Variants in UNC93A observed in about 807,000 individuals in gnomAD.
The protein encoded by UNC93A is unc-93 homolog A, also known as N-acetylglucosamine transporter UNC93A.
A neutral mutation model predicts 47.5 loss-of-function variants in UNC93A; 43 were observed. The observed-to-expected ratio is 0.91, with a 90% CI of 0.71 to 1.17. UNC93A has a LOEUF of 1.17. UNC93A is among the 50% of genes most tolerant of loss of function. The probability of loss-of-function intolerance (pLI) is 0.00; values close to 1 mark genes in which losing one functional copy is unlikely to be tolerated. For synonymous variants in UNC93A, 280 were observed against 258.0 expected (o/e 1.09, Z -0.82); for missense variants, 605 against 577.6 (o/e 1.05, Z -0.49).
chr6:167,284,517 G>A (rs1490447744), intron 1 of UNC93A, among the ~76,000 whole-genome samples: 1 of 152,398 alleles, frequency 6.6e-6, no homozygotes, highest in African/African-American at 2.4e-5. Context: ...CGAAGGCCAG[G>A]CATGCCCATC....
intron 5 of UNC93A, among the ~76,000 whole-genome samples, chr6:167,305,462 G>T (rs1023094613): frequency 6.6e-6 from 1 of 152,130 alleles, no homozygotes; most frequent in African/African-American, 2.4e-5. Context: ...AGTGTGGTGC[G>T]GTGGGCATGA....
chr6:167,270,063 T>TG (rs1247578866), upstream of UNC93A, among the ~76,000 whole-genome samples: 2,255 of 14,848 alleles, frequency 0.15, 56 homozygotes, highest in African/African-American at 0.2. Flanking sequence ...GGGGTGGGGG[T>TG]GGGGGGGGGG....
intron 4 of UNC93A, among the ~76,000 whole-genome samples, chr6:167,300,964 A>G (rs1778226112): frequency 6.6e-6 from 1 of 152,266 alleles, no homozygotes. Flanking sequence ...TCTGAGGATC[A>G]TATGGTCCTT....
At chr6:167,277,401 A>G (rs1783561081) in intron 1 of UNC93A, among the ~76,000 whole-genome samples, 1 of 152,134 alleles carries the variant, frequency 6.6e-6, no homozygotes, top group Admixed American at 6.5e-5. Flanking sequence ...TGCTGGCCTG[A>G]CCAATTCAGG....
At chr6:167,287,428 C>T (rs1305139770), upstream of UNC93A, among the ~76,000 whole-genome samples, 2 of 152,180 alleles carry the variant, frequency 1.3e-5, no homozygotes, top group East Asian at 1.9e-4. Flanking sequence ...CGCACTTCTT[C>T]TCTCCATGGG....
chr6:167,315,458 G>A lies in UNC93A; in HGVS notation c.*6G>A. 3 of 1,613,982 alleles carry A rather than the reference G, an allele frequency of 1.9e-6. No homozygotes were observed. The highest frequency in any genetic ancestry group is 2.5e-6 in the Non-Finnish European group (3 of 1,179,876). The stretch of plus-strand genomic sequence containing the variant: ...AAATACAAACAAAAATGTGAGAGCA[G>A]TGAGGTCCGAGGAGGATGAACTCAG... On this transcript the variant is annotated 3_prime_UTR_variant, in exon 8 of 8. Coordinates refer to ENST00000230256, the MANE Select transcript of UNC93A (RefSeq NM_018974.4).
At chr6:167,288,452 ACACACACACACAC>A (rs1562345641), upstream of UNC93A, among the ~76,000 whole-genome samples, 3 of 69,728 alleles carry the variant, frequency 4.3e-5, no homozygotes, top group Admixed American at 1.3e-4. Flanking sequence ...TCTTCCTTAC[ACACACACACACAC>A]ACACACACAC....
intron 7 of UNC93A, among the ~76,000 whole-genome samples, chr6:167,308,286 G>A (rs1778458640): frequency 6.6e-6 from 1 of 152,166 alleles, no homozygotes; most frequent in Non-Finnish European, 1.5e-5. Flanking sequence ...GCACACTCCC[G>A]TGTACCTGGG....
At position 167,306,088 on chromosome 6, in the gene UNC93A, C is replaced by T. The variant is rs182356785; in HGVS notation, c.976+38C>T. The T allele has an allele frequency of 5.2e-5, 83 of 1,609,780 alleles. 1 individual carries two copies. In the Admixed American group the frequency reaches 6.2e-4, roughly 12 times the overall value. On this transcript the variant is annotated intron_variant, in intron 6 of 7. Transcript: ENST00000230256. ...GTGGGTCCCATCCCAGCTGTCATAACGATTTGCAGTAGCAAAAGCGCACAG... is the reference window on the plus strand; with the variant it reads ...GTGGGTCCCATCCCAGCTGTCATAATGATTTGCAGTAGCAAAAGCGCACAG...
At chr6:167,304,201 C>A in intron 5 of UNC93A, 68 bp downstream of exon 5, 1 of 1,561,708 alleles carries the variant, frequency 6.4e-7, no homozygotes. Context: ...TGTGTCTGTA[C>A]CTGCAGGACC....
chr6:167,275,302 A>G lies in UNC93A; in HGVS notation c.-52+3844A>G, dbSNP rs183097973. On this transcript the variant is annotated intron_variant, in intron 1 of 3. Transcript: ENST00000503433. The stretch of plus-strand genomic sequence containing the variant: ...TGGCCCACACAGCACCAGTCCCAAC[A>G]GTGAGGCAGGTGGCTTCCTCAGTGG... 3.1e-3 allele frequency among the ~76,000 whole-genome samples: 470 copies of G among 152,340 alleles called. 2 individuals are homozygous for G. The highest frequency in any genetic ancestry group is 0.01 in the Middle Eastern group (3 of 294).
intron 4 of UNC93A, chr6:167,298,377 C>T (rs569759409): frequency 6.3e-5 from 13 of 205,056 alleles, no homozygotes; most frequent in Non-Finnish European, 9.8e-5. Context: ...GTTCCTAAGT[C>T]TCCCAGCCAC....
At chr6:167,307,665 G>A in intron 6 of UNC93A, 114 bp from the exon 7 acceptor site, 2 of 1,340,600 alleles carry the variant, frequency 1.5e-6, no homozygotes, top group Non-Finnish European at 2.1e-6. Context: ...CGGTTCCAGA[G>A]GACAGTTCCA....
intron 5 of UNC93A, 43 bp from the exon 6 acceptor site, chr6:167,305,872 G>A: frequency 1.2e-6 from 2 of 1,613,000 alleles, no homozygotes; most frequent in South Asian, 2.2e-5. Context: ...AGCACGGGAG[G>A]CCTGGGAGCG....
At chr6:167,278,226 G>A (rs941045271) in intron 1 of UNC93A, among the ~76,000 whole-genome samples, 1 of 152,164 alleles carries the variant, frequency 6.6e-6, no homozygotes, top group African/African-American at 2.4e-5. Flanking sequence ...GAGTGAGGGC[G>A]GGAAGCAAGC....
chr6:167,295,949 G>A, intron 2 of UNC93A, 83 bp from the exon 3 acceptor site: 1 of 1,344,016 alleles, frequency 7.4e-7, no homozygotes, highest in Non-Finnish European at 1.0e-6. Context: ...CCTTCTCCCA[G>A]ATTGACTAAA....
At chr6:167,286,977 CAAAAAAAAAAA>C (rs548370859), upstream of UNC93A, among the ~76,000 whole-genome samples, 49,563 of 110,530 alleles carry the variant, frequency 0.45, 9,290 homozygotes, top group South Asian at 0.51. Context: ...GACTCTGTCT[CAAAAAAAAAAA>C]AAAAAAAAAA....
rs55928844 is a variant in UNC93A at position 167,282,456 on chromosome 6, G to A, written c.-51-8983G>A. 8.0e-3 allele frequency among the ~76,000 whole-genome samples: 1,218 copies of A among 152,202 alleles called. 10 individuals are homozygous for A. The highest frequency in any genetic ancestry group is 0.017 in the Middle Eastern group (5 of 294). ...CAGAAAAAGGTGGGGGGAGATTTGG[G>A]AAAATAAGAAATTGGAGGGATTTTA... On this transcript the variant is annotated intron_variant, in intron 1 of 3. Transcript: ENST00000503433.
chr6:167,287,304 G>C (rs948075935), upstream of UNC93A, among the ~76,000 whole-genome samples: 1 of 152,160 alleles, frequency 6.6e-6, no homozygotes, highest in Non-Finnish European at 1.5e-5. Flanking sequence ...GGGTCCAGCC[G>C]AGCTGCTCTC....
Sources: gnomAD v4.1 joint callset for allele counts (sites outside exome capture counted in the v4.1 genomes callset) on GRCh38, gnomAD v4.1.1 for gene constraint, MANE v1.5 for transcripts, NCBI Gene and HGNC (gene_info 2026-07-23, HGNC 2026-07-21) for gene names.